Variants in CHRM1 observed in about 807,000 individuals in gnomAD.
CHRM1 encodes the protein muscarinic acetylcholine receptor M1.
A neutral mutation model predicts 31.6 loss-of-function variants in CHRM1; 5 were observed. That is an observed-to-expected ratio of 0.16 (90% CI 0.08 to 0.33). The LOEUF (loss-of-function observed/expected upper bound fraction) is 0.33, where lower values mean the gene tolerates loss of function less well. CHRM1 is among the 10% of genes least tolerant of loss of function. The pLI is 1.00. For synonymous variants in CHRM1, 227 were observed against 249.7 expected, an observed-to-expected ratio of 0.91 and a Z score of 0.86; for missense variants, 338 against 610.3, an observed-to-expected ratio of 0.55 and a Z score of 4.70.
chr11:62,910,057 C>A lies in CHRM1; in HGVS notation c.1044G>T (p.Gln348His). ...GKGQKPRGKE[Q>H]LAKRKTFSLV... is the part of the protein sequence containing the mutation. ...GCGAGAAGGTCTTCCGCTTGGCCAG[C>A]TGCTCCTTTCCACGGGGCTTCTGGC... Residue 348 changes from glutamine to histidine, a missense_variant, in exon 2 of 2, where the codon CAG (glutamine) becomes CAT (histidine). Physicochemically the swap from Gln to His is conservative, Grantham distance 24. Coordinates refer to ENST00000306960, the MANE Select transcript of CHRM1 (RefSeq NM_000738.3). This position sits in a 1 kb window ranked among gnomAD's most constrained non-coding sequence, Gnocchi z 8.7. The A allele has an allele frequency of 6.2e-7, 1 of 1,613,400 alleles. No homozygotes were observed. Among genetic ancestry groups the A allele is most frequent in the Middle Eastern group, 1.6e-4 (1 of 6,062 alleles).
At position 62,909,856 on chromosome 11, in the gene CHRM1, G is replaced by C; in HGVS notation, c.1245C>G (p.Pro415=). Residue 415 remains proline, a synonymous_variant, in exon 2 of 2, where the codon CCC becomes CCG. Coordinates refer to ENST00000306960, the MANE Select transcript of CHRM1 (RefSeq NM_000738.3). ...CTTTGTTGCAGAGTGCGTAGCACATGGGGTTGATGGTGCTGTTGACGTAGC... is the reference window on the plus strand; with the variant it reads ...CTTTGTTGCAGAGTGCGTAGCACATCGGGTTGATGGTGCTGTTGACGTAGC... The part of the protein sequence containing the change: ...WLCYVNSTIN[P]MCYALCNKAF... 1 of 1,614,258 alleles carries C rather than the reference G, an allele frequency of 6.2e-7. No individual in the cohort carries two copies. The highest frequency in any genetic ancestry group is 8.5e-7 in the Non-Finnish European group (1 of 1,180,034).
chr11:62,914,026 T>C (rs1453270044), intron 1 of CHRM1, among the ~76,000 whole-genome samples: 1 of 151,596 alleles, frequency 6.6e-6, no homozygotes, highest in African/African-American at 2.4e-5. Context: ...CACTGCAACC[T>C]CCGCCTCCGG....
intron 1 of CHRM1, among the ~76,000 whole-genome samples, chr11:62,918,793 T>C (rs1177025894): frequency 6.6e-6 from 1 of 151,928 alleles, no homozygotes; most frequent in Non-Finnish European, 1.5e-5. Flanking sequence ...TGAGAGCAAC[T>C]GGGAGTGGAG....
rs146613801 is a variant in CHRM1, at chr11:62,911,476, A to G, written c.-78-298T>C. Among the ~76,000 whole-genome samples the G allele has an allele frequency of 4.8e-3, 734 of 152,320 alleles. 5 individuals are homozygous for G. The highest frequency in any genetic ancestry group is 7.8e-3 in the Non-Finnish European group (530 of 68,026). ...AAATTACTACAAATTCCTATCTTAC[A>G]TAACTCGGGTTGCAGGAGTTGGGAA... On this transcript the variant is annotated intron_variant, in intron 1 of 1. Coordinates refer to ENST00000306960, the MANE Select transcript of CHRM1 (RefSeq NM_000738.3).
intron 1 of CHRM1, among the ~76,000 whole-genome samples, chr11:62,914,404 T>A (rs978417705): frequency 6.6e-6 from 1 of 152,202 alleles, no homozygotes; most frequent in Non-Finnish European, 1.5e-5. Context: ...GGATCATAGT[T>A]TGCTAATTCG....
chr11:62,916,957 C>A (rs1217126225), intron 1 of CHRM1: 1 of 152,202 alleles, frequency 6.6e-6, no homozygotes, highest in African/African-American at 2.4e-5. Context: ...ATCTTCTGCC[C>A]CCTATGACGC....
At chr11:62,913,356 A>G (rs1268661953) in intron 1 of CHRM1, among the ~76,000 whole-genome samples, 1 of 152,168 alleles carries the variant, frequency 6.6e-6, no homozygotes, top group Non-Finnish European at 1.5e-5. Context: ...TGTAGCAATG[A>G]GGGTGCTAGG....
chr11:62,911,235 AT>A (rs1179752032), intron 1 of CHRM1, 57 bp from the exon 2 acceptor site: 3 of 797,546 alleles, frequency 3.8e-6, no homozygotes, highest in African/African-American at 3.5e-5. Flanking sequence ...GATAGACCTT[AT>A]TGGAAGATGC....
chr11:62,915,452 C>G (rs1398799925), intron 1 of CHRM1, among the ~76,000 whole-genome samples: 2 of 152,174 alleles, frequency 1.3e-5, no homozygotes, highest in Non-Finnish European at 2.9e-5. Context: ...ACCCTGGTTC[C>G]AATAAAACTT....
At chr11:62,918,828 A>C (rs186639846) in intron 1 of CHRM1, among the ~76,000 whole-genome samples, 2 of 152,250 alleles carry the variant, frequency 1.3e-5, no homozygotes, top group Non-Finnish European at 2.9e-5. Flanking sequence ...AGGCAGGGAA[A>C]GGGAAATGGG....
In CHRM1 at chr11:62,909,712, G is replaced by C. The variant is rs1359283304; in HGVS notation, c.*6C>G. The C allele has an allele frequency of 1.2e-6, 2 of 1,613,076 alleles. No individual in the cohort carries two copies. Among genetic ancestry groups the C allele is most frequent in the Non-Finnish European group, 1.7e-6 (2 of 1,179,492 alleles). On this transcript the variant is annotated 3_prime_UTR_variant, in exon 2 of 2. Coordinates refer to ENST00000306960, the MANE Select transcript of CHRM1 (RefSeq NM_000738.3). ...CTGGGGTGGAGGGATGCAGGAGAGG[G>C]GACTATCAGCATTGGCGGGAGGGAG...
chr11:62,910,442 C>T lies in CHRM1; in HGVS notation c.659G>A (p.Arg220Gln), dbSNP rs1196419495. ...RIYRETENRA[R>Q]ELAALQGSET... ...GGAGCCCTGAAGGGCTGCCAGCTCC[C>T]GTGCTCGGTTCTCTGTCTCCCGGTA... Residue 220 changes from arginine (R) to glutamine (Q), a missense_variant, in exon 2 of 2, where the codon CGG becomes CAG. Arg to Gln is a conservative substitution (Grantham distance 43). Around this residue, in one of 4 missense-constraint regions of CHRM1, gnomAD observed 183 missense variants for 223.4 expected, o/e 0.82. Coordinates refer to ENST00000306960, the MANE Select transcript of CHRM1 (RefSeq NM_000738.3). This position sits in a 1 kb window ranked among gnomAD's most constrained non-coding sequence, Gnocchi z 8.7. 9.3e-6 allele frequency: 15 copies of T among 1,613,628 alleles called. No individual in the cohort carries two copies. The highest frequency in any genetic ancestry group is 6.7e-5 in the African/African-American group (5 of 74,950).
At position 62,910,714 on chromosome 11, in the gene CHRM1, C is replaced by T. The variant is rs1328428187; in HGVS notation, c.387G>A (p.Arg129=). Residue 129 remains arginine, a synonymous_variant, in exon 2 of 2, where the codon CGG becomes CGA. Coordinates refer to ENST00000306960, the MANE Select transcript of CHRM1 (RefSeq NM_000738.3). The surrounding 1 kb of genome is among the most constrained non-coding windows in gnomAD (Gnocchi z 8.7). ...ISFDRYFSVT[R]PLSYRAKRTP... ...TGCGCTTGGCACGGTAGCTCAGGGG[C>T]CGAGTCACGGAGAAGTAGCGGTCAA... is the stretch of plus-strand genomic sequence containing the variant. 5.0e-6 allele frequency: 8 copies of T among 1,613,984 alleles called. No individual in the cohort carries two copies. The highest frequency in any genetic ancestry group is 1.1e-5 in the South Asian group (1 of 91,090).
At chr11:62,921,866 C>A (rs1428791021), upstream of CHRM1, 1 of 152,152 alleles carries the variant, frequency 6.6e-6, no homozygotes, top group Non-Finnish European at 1.5e-5. Flanking sequence ...TGTGAGAGAG[C>A]TAGATTCCTT....
At position 62,909,519 on chromosome 11, in the gene CHRM1, C is replaced by CGGGTTTCCCTCCCTGCCTGGGAATAGCG; in HGVS notation, c.*171_*198dup. ...GCAGGGAACAGAAAAACCAGTTCCC[C>CGGGTTTCCCTCCCTGCCTGGGAATAGCG]GGGTTTCCCTCCCTGCCTGGGAATA... On this transcript the variant is annotated 3_prime_UTR_variant, in exon 2 of 2. Transcript: ENST00000306960. 1.6e-6 allele frequency: 1 copy of CGGGTTTCCCTCCCTGCCTGGGAATAGCG among 628,236 alleles called. No homozygotes were observed. The highest frequency in any genetic ancestry group is 2.7e-6 in the Non-Finnish European group (1 of 367,558). The allele number at this position is 628,236 out of a possible 1,614,324, so 38.9% of individuals were successfully genotyped here. A position where few individuals can be genotyped will look rare whatever the true frequency, so the allele number is the denominator to read the frequency against.
chr11:62,920,723 G>A (rs557332357), intron 1 of CHRM1: 1 of 152,316 alleles, frequency 6.6e-6, no homozygotes, highest in Admixed American at 6.5e-5. Flanking sequence ...AGTCCATCTT[G>A]GGGGAGCTGA....
At position 62,909,854 on chromosome 11, in the gene CHRM1, A is replaced by G. The variant is rs2085858672; in HGVS notation, c.1247T>C (p.Met416Thr). Residue 416 changes from methionine to threonine, a missense_variant, in exon 2 of 2, where the codon ATG (methionine) becomes ACG (threonine). By Grantham distance (81) the Met-to-Thr change is moderately conservative (BLOSUM62 -1). Around this residue, in one of 4 missense-constraint regions of CHRM1, gnomAD observed 68 missense variants for 108.5 expected, o/e 0.63. Transcript: ENST00000306960. ...GGCTTTGTTGCAGAGTGCGTAGCAC[A>G]TGGGGTTGATGGTGCTGTTGACGTA... ...LCYVNSTINP[M>T]CYALCNKAFR... is the part of the protein sequence containing the mutation. 1.9e-6 allele frequency: 3 copies of G among 1,614,220 alleles called. No homozygotes were observed. Among genetic ancestry groups the G allele is most frequent in the Admixed American group, 3.3e-5 (2 of 60,026 alleles).
In CHRM1 at chr11:62,921,247, C is replaced by T. The variant is rs1239549312; in HGVS notation, c.-108G>A. 2.0e-5 allele frequency: 3 copies of T among 152,250 alleles called. No individual in the cohort carries two copies. The highest frequency in any genetic ancestry group is 7.2e-5 in the African/African-American group (3 of 41,430). The allele number at this position is 152,250 out of a possible 1,614,324, so 9.4% of individuals were successfully genotyped here. ...GGGCTGAAGAGGGGTCTGTAGGGTC[C>T]TCAGCCCCACTGCCTCCCTGGGGGC... is the stretch of plus-strand genomic sequence containing the variant. On this transcript the variant is annotated 5_prime_UTR_variant, in exon 1 of 2. Transcript: ENST00000306960.
At chr11:62,914,395 G>T (rs1416987261) in intron 1 of CHRM1, among the ~76,000 whole-genome samples, 1 of 152,152 alleles carries the variant, frequency 6.6e-6, no homozygotes, top group African/African-American at 2.4e-5. Context: ...CCAGCCTGGG[G>T]ATCATAGTTT....
Sources: allele counts gnomAD v4.1 joint callset (sites outside exome capture counted in the v4.1 genomes callset), GRCh38; gene constraint gnomAD v4.1.1; regional missense constraint gnomAD v4.1.1; non-coding constraint Gnocchi (gnomAD v3.1); transcripts MANE v1.5; gene names NCBI Gene and HGNC (gene_info 2026-07-23, HGNC 2026-07-21).